DYRK4: variants seen among roughly 807,000 people sequenced by gnomAD.
DYRK4 encodes the protein dual specificity tyrosine-phosphorylation-regulated kinase 4.
In DYRK4, 64 loss-of-function variants were observed where a neutral mutation model predicts 68.3. The ratio of observed to expected loss-of-function variants is 0.94; its 90% CI spans 0.77 to 1.15. The LOEUF is 1.15. Among genes scored for constraint, DYRK4 ranks in the 50% most tolerant of loss-of-function variants. The pLI is 0.00. For synonymous variants in DYRK4, 274 were observed against 289.9 expected, an observed-to-expected ratio of 0.95 and a Z score of 0.56; for missense variants, 740 against 764.7, an observed-to-expected ratio of 0.97 and a Z score of 0.38.
intron 3 of DYRK4, among the ~76,000 whole-genome samples, chr12:4,589,363 A>G (rs752284837): frequency 6.6e-6 from 1 of 152,186 alleles, no homozygotes; most frequent in Non-Finnish European, 1.5e-5. Flanking sequence ...GTTACATACA[A>G]TAAAATACAA....
intron 2 of DYRK4, among the ~76,000 whole-genome samples, chr12:4,575,298 A>ATTTTGTGTGTGTGTGTGTGTGTGTGTGT (rs562026104): frequency 8.3e-4 from 119 of 144,180 alleles, no homozygotes; most frequent in Middle Eastern, 7.0e-3. Flanking sequence ...ACAATAACTT[A>ATTTTGTGTGTGTGTGTGTGTGTGTGTGT]CTGTGTGTGT....
Position 4,581,816 on chromosome 12 carries a change from C to T in DYRK4, c.133-7121C>T, listed in dbSNP as rs117847428. Among the ~76,000 whole-genome samples the T allele has an allele frequency of 3.9e-5, 6 of 152,308 alleles. 1 individual carries two copies. Among genetic ancestry groups the T allele is most frequent in the Non-Finnish European group, 1.5e-5 (1 of 68,028 alleles). Reference sequence around the variant, plus strand: ...TTAGCAAATATTTAAGTGCCTACTACAGGTTGAGCATCTCTTATCCGAAAT... The same window carrying T: ...TTAGCAAATATTTAAGTGCCTACTATAGGTTGAGCATCTCTTATCCGAAAT... On this transcript the variant is annotated intron_variant, in intron 2 of 14. Coordinates refer to ENST00000543431, the MANE Select transcript of DYRK4 (RefSeq NM_001394779.1).
At chr12:4,605,726 T>TG (rs767987749) in intron 11 of DYRK4, among the ~76,000 whole-genome samples, 1 of 101,698 alleles carries the variant, frequency 9.8e-6, no homozygotes, top group African/African-American at 3.9e-5. Context: ...TGAATAGAGC[T>TG]GGGTTTTTTT....
At chr12:4,603,704 C>A (rs532375838) in intron 10 of DYRK4, among the ~76,000 whole-genome samples, 1 of 152,340 alleles carries the variant, frequency 6.6e-6, no homozygotes, top group South Asian at 2.1e-4. Flanking sequence ...ACCTTTGTGT[C>A]TTTATGTATG....
At chr12:4,564,107 G>A (rs1375249593) in intron 1 of DYRK4, among the ~76,000 whole-genome samples, 1 of 152,162 alleles carries the variant, frequency 6.6e-6, no homozygotes, top group Non-Finnish European at 1.5e-5. Context: ...AAGAGTCTCA[G>A]GGATATATGC....
intron 7 of DYRK4, 84 bp downstream of exon 7, chr12:4,596,369 C>A: frequency 6.3e-7 from 1 of 1,584,202 alleles, no homozygotes; most frequent in South Asian, 1.2e-5. Context: ...CCTGACTGTG[C>A]CTCTCCCTCC....
At chr12:4,604,001 T>C (rs568053387) in intron 10 of DYRK4, among the ~76,000 whole-genome samples, 105 of 152,354 alleles carry the variant, frequency 6.9e-4, no homozygotes, top group African/African-American at 2.4e-3. Context: ...CTGTCACTTA[T>C]AGCTGAGTAA....
At chr12:4,595,636 C>G (rs1004192962) in intron 6 of DYRK4, among the ~76,000 whole-genome samples, 27 of 152,018 alleles carry the variant, frequency 1.8e-4, no homozygotes, top group African/African-American at 6.5e-4. Context: ...CCAAATTTGG[C>G]CAGGAAGAGG....
chr12:4,612,394 A>G, intron 13 of DYRK4, 149 bp from the exon 14 acceptor site: 1 of 790,700 alleles, frequency 1.3e-6, no homozygotes, highest in Middle Eastern at 3.9e-4. Context: ...GGTACTTTTA[A>G]GTTATATGCC....
chr12:4,569,517 A>G (rs538078021), intron 2 of DYRK4, among the ~76,000 whole-genome samples: 9 of 152,262 alleles, frequency 5.9e-5, no homozygotes, highest in African/African-American at 1.4e-4. Context: ...ATTATCCCCA[A>G]TTTTACAGAG....
intron 2 of DYRK4, among the ~76,000 whole-genome samples, chr12:4,576,202 C>G (rs1944787734): frequency 6.6e-6 from 1 of 152,174 alleles, no homozygotes; most frequent in African/African-American, 2.4e-5. Flanking sequence ...CAACAAAACC[C>G]CTGGCAACCA....
At chr12:4,609,897 G>T in intron 12 of DYRK4, 1 of 255,128 alleles carries the variant, frequency 3.9e-6, no homozygotes, top group Admixed American at 5.4e-5. Context: ...GATTTGGAGA[G>T]GAGGCAGTGG....
In DYRK4 at chr12:4,592,989, G is replaced by A. The variant is rs71579237; in HGVS notation, c.464-13G>A. The A allele has an allele frequency of 2.6e-5, 42 of 1,611,396 alleles. No homozygotes were observed. The African/African-American group carries it at 4.7e-4, about 18-fold the overall frequency. ...CCTCAACTGAACTCACAATTGTAGTGTTTTTCACACAGAGGCCCTAAAGCT... is the reference window on the plus strand; with the variant it reads ...CCTCAACTGAACTCACAATTGTAGTATTTTTCACACAGAGGCCCTAAAGCT... On this transcript the variant is annotated splice_polypyrimidine_tract_variant and intron_variant, in intron 5 of 14. Transcript: ENST00000543431.
At chr12:4,579,945 T>C (rs1283171374) in intron 2 of DYRK4, among the ~76,000 whole-genome samples, 3 of 152,138 alleles carry the variant, frequency 2.0e-5, no homozygotes, top group African/African-American at 7.2e-5. Context: ...GCTAGAGGGC[T>C]TACGTTCTAG....
At chr12:4,600,804 G>A (rs1945072597) in intron 10 of DYRK4, among the ~76,000 whole-genome samples, 1 of 151,854 alleles carries the variant, frequency 6.6e-6, no homozygotes. Flanking sequence ...GGATTTTTAT[G>A]AAGGCGTCAT....
intron 10 of DYRK4, chr12:4,603,008 A>G (rs1454469277): frequency 2.2e-6 from 2 of 929,920 alleles, no homozygotes; most frequent in East Asian, 2.4e-5. Flanking sequence ...TTGATTCTAT[A>G]GAAGCTTGTT....
Position 4,596,178 on chromosome 12 carries a change from T to A in DYRK4, c.657T>A (p.Tyr219Ter). ...TGCATGATCACATTGCCTACCGCTATGAAGTTCTGGAGACAATCGGGAAGG... is the reference window on the plus strand; with the variant it reads ...TGCATGATCACATTGCCTACCGCTAAGAAGTTCTGGAGACAATCGGGAAGG... ...KVLHDHIAYR[Y>*]EVLETIGKGS... The change falls in exon 7 of 15, where the codon TAT becomes TAA. Residue 219 changes from tyrosine to a stop codon, truncating the protein, a stop_gained. Coordinates refer to ENST00000543431, the MANE Select transcript of DYRK4 (RefSeq NM_001394779.1). LOFTEE classifies it high-confidence loss of function. 1.9e-6 allele frequency: 3 copies of A among 1,614,192 alleles called. No homozygotes were observed. Among genetic ancestry groups the A allele is most frequent in the Non-Finnish European group, 2.5e-6 (3 of 1,180,022 alleles).
intron 2 of DYRK4, among the ~76,000 whole-genome samples, chr12:4,577,517 A>G (rs981318542): frequency 6.6e-6 from 1 of 152,196 alleles, no homozygotes; most frequent in Non-Finnish European, 1.5e-5. Context: ...TCAGTGCCAC[A>G]CTGTCTTGAT....
In DYRK4 at chr12:4,583,149, G is replaced by C. The variant is rs370093051; in HGVS notation, c.133-5788G>C. Among the ~76,000 whole-genome samples, 6 of 152,226 alleles carry C rather than the reference G, an allele frequency of 3.9e-5. No individual in the cohort carries two copies. The East Asian group carries it at 9.7e-4, about 25-fold the overall frequency. ...AAGTTTGAAAAAGAGACAGAGTCTT[G>C]CTCCATGACCGAGGCTAGAGTGCAG... On this transcript the variant is annotated intron_variant, in intron 2 of 14. Coordinates refer to ENST00000543431, the MANE Select transcript of DYRK4 (RefSeq NM_001394779.1).
Sources: gnomAD v4.1 joint callset for allele counts (sites outside exome capture counted in the v4.1 genomes callset) on GRCh38, gnomAD v4.1.1 for gene constraint, MANE v1.5 for transcripts, NCBI Gene and HGNC (gene_info 2026-07-23, HGNC 2026-07-21) for gene names.